Variants in ALPK1 observed in about 807,000 individuals in gnomAD.
ALPK1 encodes alpha-protein kinase 1.
In ALPK1, 110 loss-of-function variants were observed where a neutral mutation model predicts 120.6. That is an observed-to-expected ratio of 0.91 (90% CI 0.78 to 1.07). The LOEUF (loss-of-function observed/expected upper bound fraction) is 1.07. ALPK1 is among the 50% of genes least tolerant of loss of function. The probability of loss-of-function intolerance (pLI) is 0.00; values close to 1 mark genes in which losing one functional copy is unlikely to be tolerated. For missense variants in ALPK1, 1,498 were observed against 1,483.9 expected, an observed-to-expected ratio of 1.01 and a Z score of -0.16; for synonymous variants, 582 against 560.3, an observed-to-expected ratio of 1.04 and a Z score of -0.55.
intron 2 of ALPK1, chr4:112,357,660 G>T: frequency 1.9e-6 from 3 of 1,607,392 alleles, no homozygotes; most frequent in Non-Finnish European, 2.6e-6. Context: ...TCTGGGTGGG[G>T]ATCATCCCCA....
At chr4:112,324,478 G>GTTTTGT (rs1296228680) in intron 2 of ALPK1, among the ~76,000 whole-genome samples, 3 of 151,882 alleles carry the variant, frequency 2.0e-5, no homozygotes, top group Non-Finnish European at 2.9e-5. Context: ...GTTTTGTTTT[G>GTTTTGT]TTTTGTTTTT....
chr4:112,357,636 C>T (rs773283826), intron 2 of ALPK1: 7 of 1,608,038 alleles, frequency 4.4e-6, no homozygotes, highest in East Asian at 2.2e-5. Flanking sequence ...CACACATCAT[C>T]GACAAGCACC....
At chr4:112,331,794 G>A (rs1012452357) in intron 2 of ALPK1, among the ~76,000 whole-genome samples, 8 of 152,194 alleles carry the variant, frequency 5.3e-5, no homozygotes, top group African/African-American at 1.7e-4. Context: ...TAGCAGTTGT[G>A]AAGTCTGATC....
rs528605059 is a variant in ALPK1, at chr4:112,335,994, A to T, written c.-101+20142A>T. Among the ~76,000 whole-genome samples the T allele has an allele frequency of 1.5e-4, 23 of 149,116 alleles. 1 individual carries two copies. The South Asian group carries it at 4.7e-3, about 31-fold the overall frequency. ...CTTTGCATTCTGAAAAAATAAATGA[A>T]CGTAAAACCAACCAACCAACCAACC... On this transcript the variant is annotated intron_variant, in intron 2 of 15. Coordinates refer to ENST00000650871, the MANE Select transcript of ALPK1 (RefSeq NM_025144.4).
chr4:112,314,876 CTTT>C (rs763492984), intron 1 of ALPK1, among the ~76,000 whole-genome samples: 5,653 of 99,120 alleles, frequency 0.057, 151 homozygotes, highest in Admixed American at 0.16. Flanking sequence ...AATCCATTGC[CTTT>C]TTTTTTTTTT....
chr4:112,402,562 A>G (rs1412493246), intron 4 of ALPK1, among the ~76,000 whole-genome samples: 1 of 152,174 alleles, frequency 6.6e-6, no homozygotes, highest in Non-Finnish European at 1.5e-5. Context: ...CTTAAACACA[A>G]TTAGAACCCC....
At chr4:112,409,013 A>G (rs969197096) in intron 4 of ALPK1, among the ~76,000 whole-genome samples, 1 of 152,202 alleles carries the variant, frequency 6.6e-6, no homozygotes, top group African/African-American at 2.4e-5. Context: ...TTGCCTTCAG[A>G]GCCATTCTTG....
At chr4:112,322,619 A>G (rs1728911387) in intron 2 of ALPK1, among the ~76,000 whole-genome samples, 1 of 152,240 alleles carries the variant, frequency 6.6e-6, no homozygotes. Flanking sequence ...AATTATAGTG[A>G]GGAAGACAGA....
chr4:112,314,362 G>T (rs1728543282), intron 1 of ALPK1, among the ~76,000 whole-genome samples: 1 of 150,448 alleles, frequency 6.6e-6, no homozygotes, highest in Non-Finnish European at 1.5e-5. Flanking sequence ...GGGATTTTAG[G>T]ATTGTTGGAT....
chr4:112,356,654 A>G (rs533037392), intron 2 of ALPK1: 57 of 845,830 alleles, frequency 6.7e-5, no homozygotes, highest in Non-Finnish European at 1.1e-4. Context: ...TCATTTCTAC[A>G]ACAATGTAGA....
chr4:112,409,298 T>C (rs1733342422), intron 4 of ALPK1, among the ~76,000 whole-genome samples: 1 of 152,096 alleles, frequency 6.6e-6, no homozygotes, highest in Admixed American at 6.6e-5. Flanking sequence ...GCACAGCAGT[T>C]TCCCTAGAAA....
In ALPK1 at chr4:112,349,373, T is replaced by C. The variant is rs969402494; in HGVS notation, c.-100-28305T>C. On this transcript the variant is annotated intron_variant, in intron 2 of 15. Transcript: ENST00000650871. ...CAAATCCAGAGTAAACTAGGAGAGATTGGATAACCTCTTAAAAAATAAAAT... is the reference window on the plus strand; with the variant it reads ...CAAATCCAGAGTAAACTAGGAGAGACTGGATAACCTCTTAAAAAATAAAAT... Among the ~76,000 whole-genome samples, 24 of 152,200 alleles carry C rather than the reference T, an allele frequency of 1.6e-4. 1 individual carries two copies. The highest frequency in any genetic ancestry group is 1.2e-3 in the Admixed American group (19 of 15,282).
intron 1 of ALPK1, among the ~76,000 whole-genome samples, chr4:112,307,465 T>A (rs537516409): frequency 6.6e-6 from 1 of 152,124 alleles, no homozygotes; most frequent in Non-Finnish European, 1.5e-5. Flanking sequence ...TTTAGGATAG[T>A]TAGCTCTTCT....
intron 2 of ALPK1, among the ~76,000 whole-genome samples, chr4:112,348,102 C>T (rs1319959397): frequency 6.6e-6 from 1 of 152,134 alleles, no homozygotes; most frequent in Non-Finnish European, 1.5e-5. Flanking sequence ...AGGTGATTGG[C>T]GTTCTGAGCA....
intron 4 of ALPK1, among the ~76,000 whole-genome samples, chr4:112,409,783 C>T (rs1329263129): frequency 3.3e-5 from 5 of 152,044 alleles, no homozygotes; most frequent in East Asian, 1.9e-4. Context: ...AGAAAGAGGC[C>T]GAGGACGCTA....
At chr4:112,358,312 C>A (rs1331322240) in intron 2 of ALPK1, 2 of 597,620 alleles carry the variant, frequency 3.3e-6, no homozygotes, top group Admixed American at 4.4e-5. Flanking sequence ...GCCATGTCAT[C>A]CAAGACGTAG....
At chr4:112,370,038 G>GAGTCA (rs1731332266) in intron 2 of ALPK1, among the ~76,000 whole-genome samples, 1 of 152,200 alleles carries the variant, frequency 6.6e-6, no homozygotes, top group South Asian at 2.1e-4. Flanking sequence ...AATATCTCTG[G>GAGTCA]AGTCATTTTA....
chr4:112,351,945 G>C (rs1274707682), intron 2 of ALPK1, among the ~76,000 whole-genome samples: 1 of 152,126 alleles, frequency 6.6e-6, no homozygotes, highest in Non-Finnish European at 1.5e-5. Flanking sequence ...CACAGTCTTT[G>C]TTCATGTCAT....
chr4:112,362,001 G>A (rs973427913), intron 2 of ALPK1, among the ~76,000 whole-genome samples: 4 of 152,222 alleles, frequency 2.6e-5, no homozygotes, highest in African/African-American at 9.6e-5. Flanking sequence ...AATCACTGCA[G>A]TCTGGCTCTC....
Sources: gnomAD v4.1 joint callset for allele counts (sites outside exome capture counted in the v4.1 genomes callset) on GRCh38, gnomAD v4.1.1 for gene constraint, MANE v1.5 for transcripts, NCBI Gene and HGNC (gene_info 2026-07-23, HGNC 2026-07-21) for gene names.